Variants in NBAS observed in about 807,000 individuals in gnomAD.
The protein encoded by NBAS is NAG/BC035112 fusion.
Under a neutral mutation model 302.5 loss-of-function variants are expected in NBAS, and 219 were observed. The ratio of observed to expected loss-of-function variants is 0.72; its 90% CI spans 0.65 to 0.81. The LOEUF is 0.81. NBAS is among the 30% of genes least tolerant of loss of function. The pLI is 0.00. For missense variants in NBAS, 2,932 were observed against 2,841.6 expected, an observed-to-expected ratio of 1.03 and a Z score of -0.72; for synonymous variants, 1,118 against 1,021.6, an observed-to-expected ratio of 1.09 and a Z score of -1.80.
At chr2:15,107,485 G>A in the NBAS span, among the ~76,000 whole-genome samples, 1 of 152,040 alleles carries the variant, frequency 6.6e-6, no homozygotes, top group African/African-American at 2.4e-5. Flanking sequence ...GCTGGCTAGA[G>A]GATACTAAAA....
the NBAS span, among the ~76,000 whole-genome samples, chr2:15,089,692 A>C: frequency 6.6e-6 from 1 of 151,638 alleles, no homozygotes. Flanking sequence ...CTGAAAATCA[A>C]ATTTTTAAGT....
At chr2:15,196,888 C>A (rs1021300463) in intron 48 of NBAS, among the ~76,000 whole-genome samples, 3 of 152,252 alleles carry the variant, frequency 2.0e-5, no homozygotes, top group Admixed American at 2.0e-4. Context: ...GCCTGTTTAA[C>A]AGATGGGTCT....
intron 21 of NBAS, among the ~76,000 whole-genome samples, chr2:15,439,006 T>C (rs13403861): frequency 0.017 from 2,639 of 152,146 alleles, 70 homozygotes; most frequent in African/African-American, 0.06. Flanking sequence ...TATTAAAGAA[T>C]ATTACCCGGC....
chr2:14,794,637 T>C, the NBAS span, among the ~76,000 whole-genome samples: 1 of 152,312 alleles, frequency 6.6e-6, no homozygotes, highest in Non-Finnish European at 1.5e-5. Flanking sequence ...GCACATAAAG[T>C]GTTTACTTTG....
intron 48 of NBAS, among the ~76,000 whole-genome samples, chr2:15,205,452 A>T (rs1274313608): frequency 6.8e-6 from 1 of 146,368 alleles, no homozygotes; most frequent in East Asian, 2.1e-4. Context: ...TTCGCCAATC[A>T]AAAGACATAG....
intron 9 of NBAS, among the ~76,000 whole-genome samples, chr2:15,530,887 GA>G (rs1056802440): frequency 1.3e-5 from 2 of 150,828 alleles, no homozygotes; most frequent in Non-Finnish European, 3.0e-5. Flanking sequence ...AACGCCAGGG[GA>G]AAAAAAAAGA....
intron 51 of NBAS, among the ~76,000 whole-genome samples, chr2:15,174,410 C>G (rs1229855029): frequency 6.6e-6 from 1 of 152,112 alleles, no homozygotes; most frequent in Non-Finnish European, 1.5e-5. Context: ...GAGAAAATCC[C>G]CAGGGCAGGA....
chr2:15,410,456 T>C (rs1442739944), intron 25 of NBAS, among the ~76,000 whole-genome samples: 3 of 151,928 alleles, frequency 2.0e-5, no homozygotes, highest in Non-Finnish European at 1.5e-5. Flanking sequence ...CAAGAAAGTG[T>C]TAGGGCAAAA....
At chr2:15,030,733 C>T in the NBAS span, among the ~76,000 whole-genome samples, 2 of 152,214 alleles carry the variant, frequency 1.3e-5, no homozygotes, top group Admixed American at 1.3e-4. Context: ...TTTCTCAGCA[C>T]TATTGACATT....
chr2:15,020,640 A>G, the NBAS span, among the ~76,000 whole-genome samples: 1 of 152,132 alleles, frequency 6.6e-6, no homozygotes, highest in East Asian at 1.9e-4. Flanking sequence ...CAGTGAGAGA[A>G]CTCCACTCCT....
chr2:15,429,575 A>AT (rs1677658654), intron 21 of NBAS, among the ~76,000 whole-genome samples: 1 of 152,168 alleles, frequency 6.6e-6, no homozygotes, highest in South Asian at 2.1e-4. Context: ...AGGTCTGGGA[A>AT]GGGGCAGTGA....
chr2:15,009,637 C>CACACAT, the NBAS span, among the ~76,000 whole-genome samples: 1 of 138,642 alleles, frequency 7.2e-6, no homozygotes, highest in African/African-American at 2.8e-5. Flanking sequence ...CACACACACA[C>CACACAT]ATATACACAT....
chr2:15,548,462 T>G (rs1355678456), intron 6 of NBAS, among the ~76,000 whole-genome samples: 2 of 151,886 alleles, frequency 1.3e-5, no homozygotes, highest in African/African-American at 4.8e-5. Context: ...GCCAACATAG[T>G]GAAACCGCAT....
chr2:15,040,385 T>A, the NBAS span, among the ~76,000 whole-genome samples: 1 of 152,178 alleles, frequency 6.6e-6, no homozygotes, highest in South Asian at 2.1e-4. Context: ...AGATTGTTGG[T>A]TTATTTGTTC....
intron 35 of NBAS, among the ~76,000 whole-genome samples, chr2:15,343,232 A>C (rs1340073149): frequency 6.6e-6 from 1 of 152,162 alleles, no homozygotes; most frequent in East Asian, 1.9e-4. Flanking sequence ...CCATGTATGC[A>C]TTCTCATATT....
the NBAS span, among the ~76,000 whole-genome samples, chr2:14,857,289 C>T: frequency 6.6e-6 from 1 of 152,090 alleles, no homozygotes; most frequent in Non-Finnish European, 1.5e-5. Flanking sequence ...CATCAAAATA[C>T]CAATGATGTT....
intron 47 of NBAS, among the ~76,000 whole-genome samples, chr2:15,225,136 G>T (rs1667099927): frequency 6.6e-6 from 1 of 152,184 alleles, no homozygotes; most frequent in Non-Finnish European, 1.5e-5. Flanking sequence ...TCTCCTTGTG[G>T]CTGCTCTCAA....
the NBAS span, among the ~76,000 whole-genome samples, chr2:15,043,354 A>G: frequency 6.6e-6 from 1 of 152,116 alleles, no homozygotes. Flanking sequence ...GAGCTGTGCC[A>G]CTTCCATTAT....
the NBAS span, among the ~76,000 whole-genome samples, chr2:14,861,139 T>C: frequency 1.1e-3 from 164 of 152,350 alleles, no homozygotes; most frequent in African/African-American, 3.8e-3. Context: ...ATAATCTTCT[T>C]GAAGTCCCAT....
Sources: allele counts gnomAD v4.1 joint callset (sites outside exome capture counted in the v4.1 genomes callset), GRCh38; gene constraint gnomAD v4.1.1; transcripts MANE v1.5; gene names NCBI Gene and HGNC (gene_info 2026-07-23, HGNC 2026-07-21).